SPESP1: variants seen among roughly 807,000 people sequenced by gnomAD.
SPESP1 encodes the protein sperm equatorial segment protein 1, also known as equatorial segment protein.
A neutral mutation model predicts 3.1 loss-of-function variants in SPESP1; 1 was observed. The ratio of observed to expected loss-of-function variants is 0.33; its 90% CI spans 0.12 to 1.54. The LOEUF is 1.54. Ranked by LOEUF, SPESP1 falls within the 40% of genes most tolerant of loss-of-function variation. SPESP1 has a pLI of 0.38. For synonymous variants in SPESP1, 138 were observed against 150.7 expected, an observed-to-expected ratio of 0.92 and a Z score of 0.62; for missense variants, 398 against 410.1, an observed-to-expected ratio of 0.97 and a Z score of 0.26.
At position 68,930,536 on chromosome 15, in the gene SPESP1, T is replaced by C; in HGVS notation, c.-118T>C. On this transcript the variant is annotated 5_prime_UTR_variant, in exon 1 of 2. Transcript: ENST00000310673. ...CGCTGGGGACAACCGTTGCTGGGTG[T>C]CCCAGGGCCTGAGGCAGGACGGTAC... 2 of 1,398,042 alleles carry C rather than the reference T, an allele frequency of 1.4e-6. No homozygotes were observed. The highest frequency in any genetic ancestry group is 2.4e-5 in the East Asian group (1 of 42,304). The allele number at this position is 1,398,042 out of a possible 1,614,324, so 86.6% of individuals were successfully genotyped here.
rs1356306070 is a variant in SPESP1, at chr15:68,946,028, T to G, written c.494T>G (p.Val165Gly). ...GAGGCACCAAGAATGTTGCCAGTTG[T>G]TACTGAATCATCTACAAGTCCATAT... ...QTEAPRMLPVVTESSTSPYVT... is the reference protein window; with the variant it reads ...QTEAPRMLPVGTESSTSPYVT... The change falls in exon 2 of 2, where the codon GTT becomes GGT. Residue 165 changes from valine (V) to glycine (G), a missense_variant. Transcript: ENST00000310673. The G allele has an allele frequency of 2.5e-6, 4 of 1,614,162 alleles. No individual in the cohort carries two copies. In the South Asian group the frequency reaches 4.4e-5, roughly 18 times the overall value.
intron 1 of SPESP1, among the ~76,000 whole-genome samples, chr15:68,940,415 T>C (rs934919779): frequency 1.3e-5 from 2 of 152,220 alleles, no homozygotes; most frequent in African/African-American, 4.8e-5. Flanking sequence ...ATTTTTTACT[T>C]ATAAAAATAA....
intron 1 of SPESP1, among the ~76,000 whole-genome samples, chr15:68,934,787 T>C (rs1335567749): frequency 6.6e-6 from 1 of 152,228 alleles, no homozygotes; most frequent in Non-Finnish European, 1.5e-5. Flanking sequence ...AGTATCACTA[T>C]ATATTTGAAG....
Position 68,930,536 on chromosome 15 carries a change from T to TC in SPESP1, c.-115dup. The TC allele has an allele frequency of 7.2e-7, 1 of 1,398,042 alleles. No individual in the cohort carries two copies. The allele number at this position is 1,398,042 out of a possible 1,614,324, so 86.6% of individuals were successfully genotyped here. On this transcript the variant is annotated 5_prime_UTR_variant, in exon 1 of 2. Coordinates refer to ENST00000310673, the MANE Select transcript of SPESP1 (RefSeq NM_145658.4). Reference sequence around the variant, plus strand: ...CGCTGGGGACAACCGTTGCTGGGTGTCCCAGGGCCTGAGGCAGGACGGTAC... The same window carrying TC: ...CGCTGGGGACAACCGTTGCTGGGTGTCCCCAGGGCCTGAGGCAGGACGGTAC...
intron 1 of SPESP1, among the ~76,000 whole-genome samples, chr15:68,941,464 T>C (rs1895821007): frequency 1.3e-5 from 2 of 152,200 alleles, no homozygotes; most frequent in African/African-American, 4.8e-5. Flanking sequence ...AGGCATAGAC[T>C]GGGCTATGCT....
rs1567066075 is a variant in SPESP1 at position 68,945,765 on chromosome 15, A to G, written c.231A>G (p.Leu77=). The G allele has an allele frequency of 1.2e-6, 2 of 1,614,020 alleles. No individual in the cohort carries two copies. Among genetic ancestry groups the G allele is most frequent in the Admixed American group, 3.3e-5 (2 of 59,992 alleles). Residue 77 remains leucine (L), a synonymous_variant, in exon 2 of 2, where the codon CTA becomes CTG. Coordinates refer to ENST00000310673, the MANE Select transcript of SPESP1 (RefSeq NM_145658.4). ...IASKGSKFKE[L]VTHGDASTEN... ...CAAAGGGATCAAAATTTAAGGAGCT[A>G]GTTACACATGGAGACGCTTCAACTG...
At chr15:68,937,835 G>T (rs1895722442) in intron 1 of SPESP1, among the ~76,000 whole-genome samples, 1 of 152,186 alleles carries the variant, frequency 6.6e-6, no homozygotes, top group East Asian at 1.9e-4. Context: ...TATCTTTTAT[G>T]AACAATGAAT....
In SPESP1 at chr15:68,946,626, T is replaced by A. The variant is rs1895977940; in HGVS notation, c.*39T>A. 1 of 1,390,554 alleles carries A rather than the reference T, an allele frequency of 7.2e-7. No homozygotes were observed. The highest frequency in any genetic ancestry group is 9.3e-7 in the Non-Finnish European group (1 of 1,075,036). 86.1% of individuals were successfully genotyped at this position (1,390,554 alleles called of 1,614,324 possible). ...AATTTTAAACCTACTTGATATTCCA[T>A]AACAAAGCTGATTTAAGCAAACTGC... On this transcript the variant is annotated 3_prime_UTR_variant, in exon 2 of 2. Coordinates refer to ENST00000310673, the MANE Select transcript of SPESP1 (RefSeq NM_145658.4).
At position 68,942,016 on chromosome 15, in the gene SPESP1, G is replaced by A. The variant is rs567177833; in HGVS notation, c.65-3583G>A. ...ATTCTTGTACTTTTATACAGTTGGG[G>A]TTTCACCATGTTTCCCAGGCTGGTC... is the stretch of plus-strand genomic sequence containing the variant. On this transcript the variant is annotated intron_variant, in intron 1 of 1. Transcript: ENST00000310673. Among the ~76,000 whole-genome samples, 15 of 152,198 alleles carry A rather than the reference G, an allele frequency of 9.9e-5. 1 individual carries two copies. In the South Asian group the frequency reaches 3.1e-3, roughly 32 times the overall value.
chr15:68,935,921 C>T (rs1895669900), intron 1 of SPESP1, among the ~76,000 whole-genome samples: 1 of 152,196 alleles, frequency 6.6e-6, no homozygotes, highest in Non-Finnish European at 1.5e-5. Flanking sequence ...TTTTAACCTT[C>T]ATAAAAGTTC....
chr15:68,930,927 A>G (rs1179340269), intron 1 of SPESP1, among the ~76,000 whole-genome samples: 1 of 152,052 alleles, frequency 6.6e-6, no homozygotes, highest in Non-Finnish European at 1.5e-5. Context: ...CCCAGATGAG[A>G]CGGGAAGCGC....
chr15:68,942,643 G>A (rs532729316), intron 1 of SPESP1, among the ~76,000 whole-genome samples: 3 of 152,178 alleles, frequency 2.0e-5, no homozygotes, highest in African/African-American at 7.2e-5. Context: ...AGAAATGTAA[G>A]CAGTTACCTT....
At position 68,945,806 on chromosome 15, in the gene SPESP1, C is replaced by G. The variant is rs143374770; in HGVS notation, c.272C>G (p.Thr91Ser). Residue 91 changes from threonine (T) to serine (S), a missense_variant, in exon 2 of 2, where the codon ACC (threonine) becomes AGC (serine). Physicochemically the swap from Thr to Ser is moderately conservative, Grantham distance 58. Coordinates refer to ENST00000310673, the MANE Select transcript of SPESP1 (RefSeq NM_145658.4). The stretch of plus-strand genomic sequence containing the variant: ...GCTTCAACTGAGAATGATGTTTTAA[C>G]CAATCCTATCAGTGAAGAAACTACA... ...GDASTENDVL[T>S]NPISEETTTF... 67 of 1,613,772 alleles carry G rather than the reference C, an allele frequency of 4.2e-5. No homozygotes were observed. In the African/African-American group the frequency reaches 5.7e-4, roughly 14 times the overall value.
At chr15:68,936,770 T>A (rs955297704) in intron 1 of SPESP1, among the ~76,000 whole-genome samples, 1 of 152,196 alleles carries the variant, frequency 6.6e-6, no homozygotes, top group Non-Finnish European at 1.5e-5. Context: ...CTTTAGAGAT[T>A]GATAAAATTC....
chr15:68,931,210 A>G (rs991206761), intron 1 of SPESP1, among the ~76,000 whole-genome samples: 1 of 148,950 alleles, frequency 6.7e-6, no homozygotes, highest in Non-Finnish European at 1.5e-5. Flanking sequence ...TACATTAGGT[A>G]TATCTCCTAA....
Position 68,946,416 on chromosome 15 carries a change from T to A in SPESP1, c.882T>A (p.Asp294Glu), listed in dbSNP as rs1169129027. The A allele has an allele frequency of 6.2e-7, 1 of 1,614,112 alleles. No homozygotes were observed. The highest frequency in any genetic ancestry group is 8.5e-7 in the Non-Finnish European group (1 of 1,180,000). Residue 294 changes from aspartate to glutamate, a missense_variant, in exon 2 of 2, where the codon GAT becomes GAA. By Grantham distance (45) the Asp-to-Glu change is conservative. Transcript: ENST00000310673. The stretch of plus-strand genomic sequence containing the variant: ...TAGGACGAACAAGTAATAAAATTGA[T>A]GACATCGAAACTGTTATTAACATGC... ...LPVGRTSNKI[D>E]DIETVINMLC...
chr15:68,938,579 T>C (rs1232562320), intron 1 of SPESP1, among the ~76,000 whole-genome samples: 4 of 152,238 alleles, frequency 2.6e-5, no homozygotes, highest in African/African-American at 9.6e-5. Context: ...TTTGGTCCAG[T>C]TGACAGCACA....
chr15:68,945,962 A>AAGAGCC lies in SPESP1; in HGVS notation c.441_446dup (p.Glu150_Pro151dup), dbSNP rs529605448. 3.2e-5 allele frequency: 52 copies of AAGAGCC among 1,614,026 alleles called. No individual in the cohort carries two copies. The highest frequency in any genetic ancestry group is 1.6e-4 in the Middle Eastern group (1 of 6,084). ...GCAGAGGAACCTTATATTGAAAATG[A>AAGAGCC]AGAGCCAGAGCCAGAGCCGGAGCCA... On this transcript the variant is annotated inframe_insertion, in exon 2 of 2. Coordinates refer to ENST00000310673, the MANE Select transcript of SPESP1 (RefSeq NM_145658.4).
intron 1 of SPESP1, among the ~76,000 whole-genome samples, chr15:68,940,781 A>T: frequency 6.9e-6 from 1 of 145,768 alleles, no homozygotes. Context: ...TTGCAAGACT[A>T]CTTCATAGGT....
Sources: gnomAD v4.1 joint callset for allele counts (sites outside exome capture counted in the v4.1 genomes callset) on GRCh38, gnomAD v4.1.1 for gene constraint, MANE v1.5 for transcripts, NCBI Gene and HGNC (gene_info 2026-07-23, HGNC 2026-07-21) for gene names.